KCND2: variants seen among roughly 807,000 people sequenced by gnomAD.
KCND2 encodes the protein A-type voltage-gated potassium channel KCND2.
Under a neutral mutation model 54.4 loss-of-function variants are expected in KCND2, and 16 were observed. The ratio of observed to expected loss-of-function variants is 0.29; its 90% CI spans 0.20 to 0.45. The LOEUF is 0.45. KCND2 is among the 20% of genes least tolerant of loss of function. The pLI is 1.00. For missense variants in KCND2, 486 were observed against 824.2 expected, an observed-to-expected ratio of 0.59 and a Z score of 5.02; for synonymous variants, 317 against 310.7, an observed-to-expected ratio of 1.02 and a Z score of -0.21.
intron 1 of KCND2, among the ~76,000 whole-genome samples, chr7:120,537,786 C>T (rs1242953530): frequency 1.3e-5 from 2 of 152,188 alleles, no homozygotes. Context: ...TTCCTCACCT[C>T]TCTCAGGCTT....
chr7:120,418,263 A>T (rs1318017765), intron 1 of KCND2, among the ~76,000 whole-genome samples: 1 of 152,192 alleles, frequency 6.6e-6, no homozygotes, highest in Admixed American at 6.5e-5. Flanking sequence ...TTATATCCTC[A>T]TTGTGATAAT....
intron 1 of KCND2, among the ~76,000 whole-genome samples, chr7:120,439,327 G>A (rs767783250): frequency 2.0e-5 from 3 of 151,934 alleles, no homozygotes; most frequent in Non-Finnish European, 2.9e-5. Flanking sequence ...AGTGATGTTA[G>A]GAGAAATAAT....
intron 1 of KCND2, among the ~76,000 whole-genome samples, chr7:120,342,883 T>C (rs1017335191): frequency 2.6e-5 from 4 of 152,132 alleles, no homozygotes; most frequent in Non-Finnish European, 5.9e-5. Context: ...TTGGGATATA[T>C]TTCCAGTCTT....
intron 1 of KCND2, among the ~76,000 whole-genome samples, chr7:120,600,033 T>C (rs772997566): frequency 1.3e-5 from 2 of 152,000 alleles, no homozygotes; most frequent in Non-Finnish European, 2.9e-5. Flanking sequence ...TTTCCCTGCA[T>C]CTAGTAAGAT....
intron 1 of KCND2, among the ~76,000 whole-genome samples, chr7:120,359,715 C>A (rs1218667004): frequency 6.6e-6 from 1 of 152,044 alleles, no homozygotes; most frequent in Non-Finnish European, 1.5e-5. Context: ...GGCTCTGTGT[C>A]CCCACCCAAA....
chr7:120,635,449 A>G (rs1793292883), intron 1 of KCND2, among the ~76,000 whole-genome samples: 1 of 152,190 alleles, frequency 6.6e-6, no homozygotes, highest in Admixed American at 6.5e-5. Context: ...TTCTATCTTT[A>G]GATGCAATAA....
intron 1 of KCND2, among the ~76,000 whole-genome samples, chr7:120,449,282 T>C (rs1160984545): frequency 6.7e-6 from 1 of 148,612 alleles, no homozygotes; most frequent in Admixed American, 6.8e-5. Flanking sequence ...TGAGCCGAGA[T>C]CACGCCACTG....
chr7:120,701,310 G>A (rs1422291882), intron 1 of KCND2, among the ~76,000 whole-genome samples: 1 of 145,530 alleles, frequency 6.9e-6, no homozygotes, highest in Non-Finnish European at 1.5e-5. Flanking sequence ...AGGAAAATAG[G>A]TGTTAGTTTT....
At chr7:120,581,425 C>G (rs569131695) in intron 1 of KCND2, among the ~76,000 whole-genome samples, 303 of 152,314 alleles carry the variant, frequency 2.0e-3, no homozygotes, top group African/African-American at 7.0e-3. Context: ...CTAGAACAGA[C>G]AGTCCTTATC....
At chr7:120,746,330 C>T (rs896803153) in intron 5 of KCND2, among the ~76,000 whole-genome samples, 2 of 152,100 alleles carry the variant, frequency 1.3e-5, no homozygotes, top group Non-Finnish European at 2.9e-5. Flanking sequence ...CTTTTATACT[C>T]AGGAGTCTCT....
intron 1 of KCND2, among the ~76,000 whole-genome samples, chr7:120,418,309 C>T (rs1480090130): frequency 6.6e-6 from 1 of 152,030 alleles, no homozygotes; most frequent in African/African-American, 2.4e-5. Flanking sequence ...ACTGTGATTC[C>T]ACAAGACAGA....
chr7:120,574,586 C>T (rs995257061), intron 1 of KCND2, among the ~76,000 whole-genome samples: 20 of 152,090 alleles, frequency 1.3e-4, no homozygotes, highest in African/African-American at 4.8e-4. Flanking sequence ...CTTAGCTTCA[C>T]TTCAAAATCA....
chr7:120,496,926 G>A (rs1236189438), intron 1 of KCND2, among the ~76,000 whole-genome samples: 2 of 152,140 alleles, frequency 1.3e-5, no homozygotes, highest in Non-Finnish European at 2.9e-5. Flanking sequence ...ACAATGGCCT[G>A]TTGAGCTGAA....
intron 1 of KCND2, among the ~76,000 whole-genome samples, chr7:120,321,794 A>G (rs930242531): frequency 2.0e-5 from 3 of 152,108 alleles, no homozygotes; most frequent in Non-Finnish European, 2.9e-5. Flanking sequence ...AGTCTTTTAT[A>G]AAAGAAACCA....
intron 1 of KCND2, among the ~76,000 whole-genome samples, chr7:120,560,225 C>G (rs1792216598): frequency 1.3e-5 from 2 of 152,076 alleles, no homozygotes; most frequent in Admixed American, 6.6e-5. Context: ...TCCAAAGTCC[C>G]AGAAATCATT....
At chr7:120,585,448 AG>A (rs1792584914) in intron 1 of KCND2, among the ~76,000 whole-genome samples, 2 of 152,320 alleles carry the variant, frequency 1.3e-5, no homozygotes, top group South Asian at 4.1e-4. Flanking sequence ...CATACTTCCT[AG>A]GCATGTCTTG....
intron 1 of KCND2, among the ~76,000 whole-genome samples, chr7:120,532,058 G>A (rs1791849364): frequency 6.6e-6 from 1 of 152,020 alleles, no homozygotes; most frequent in Non-Finnish European, 1.5e-5. Context: ...ATGAGTTGAG[G>A]AGGACTAAAT....
intron 1 of KCND2, among the ~76,000 whole-genome samples, chr7:120,663,234 T>TAAC (rs375963981): frequency 1.6e-4 from 25 of 152,162 alleles, no homozygotes; most frequent in Non-Finnish European, 2.8e-4. Context: ...CTGGTTAGAT[T>TAAC]AACAACAACA....
chr7:120,534,128 C>T (rs1791874780), intron 1 of KCND2, among the ~76,000 whole-genome samples: 1 of 152,150 alleles, frequency 6.6e-6, no homozygotes, highest in Non-Finnish European at 1.5e-5. Context: ...TGAAGTCTCA[C>T]TTCTGCCCCT....
Sources: allele counts gnomAD v4.1 joint callset (sites outside exome capture counted in the v4.1 genomes callset), GRCh38; gene constraint gnomAD v4.1.1; transcripts MANE v1.5; gene names NCBI Gene and HGNC (gene_info 2026-07-23, HGNC 2026-07-21).